Variants in TJP2 observed in about 807,000 individuals in gnomAD.
TJP2 encodes Friedreich ataxia region gene X104 (tight junction protein ZO-2).
A neutral mutation model predicts 133.1 loss-of-function variants in TJP2; 91 were observed. The observed-to-expected ratio is 0.68, with a 90% CI of 0.58 to 0.81. TJP2 has a LOEUF of 0.81. Among genes scored for constraint, TJP2 ranks in the 40% least tolerant of loss-of-function variants. The probability of loss-of-function intolerance (pLI) is 0.00; values close to 1 mark genes in which losing one functional copy is unlikely to be tolerated. For missense variants in TJP2, 1,541 were observed against 1,565.6 expected (o/e 0.98, Z 0.26); for synonymous variants, 592 against 583.4 (o/e 1.01, Z -0.21).
At position 69,246,710 on chromosome 9, in the gene TJP2, G is replaced by A. The variant is rs1398489722; in HGVS notation, c.2587G>A (p.Ala863Thr). The A allele has an allele frequency of 3.1e-6, 5 of 1,614,014 alleles. No individual in the cohort carries two copies. Among genetic ancestry groups the A allele is most frequent in the Middle Eastern group, 1.6e-4 (1 of 6,062 alleles). ...TATAGCTACAATCAACCTAAATTCA[G>A]CCAATGATAGCTGGTTTGGCAGCTT... ...LFTATINLNS[A>T]NDSWFGSLKD... The change falls in exon 18 of 23, where the codon GCC (alanine) becomes ACC (threonine). Residue 863 changes from alanine (A) to threonine (T), a missense_variant. By Grantham distance (58) the Ala-to-Thr change is moderately conservative (BLOSUM62 0). Transcript: ENST00000377245.
chr9:69,198,800 AG>A (rs1213069341), intron 1 of TJP2, among the ~76,000 whole-genome samples: 1 of 152,234 alleles, frequency 6.6e-6, no homozygotes, highest in Non-Finnish European at 1.5e-5. Flanking sequence ...AAACGATGAA[AG>A]GGTTTTGTTT....
chr9:69,189,270 G>A (rs1460621603), intron 1 of TJP2, among the ~76,000 whole-genome samples: 1 of 152,116 alleles, frequency 6.6e-6, no homozygotes, highest in African/African-American at 2.4e-5. Flanking sequence ...CCCAAGGGGT[G>A]GAAAGACCTA....
intron 1 of TJP2, among the ~76,000 whole-genome samples, chr9:69,122,503 C>A (rs748708273): frequency 2.0e-5 from 3 of 152,194 alleles, no homozygotes; most frequent in Admixed American, 2.0e-4. Flanking sequence ...CTTTCTGACC[C>A]ATTTGTAAGG....
intron 1 of TJP2, among the ~76,000 whole-genome samples, chr9:69,132,723 A>C (rs1822551379): frequency 6.6e-6 from 1 of 152,164 alleles, no homozygotes; most frequent in South Asian, 2.1e-4. Flanking sequence ...CATGAGACCC[A>C]CTTCTAGAGG....
At chr9:69,175,227 G>A (rs1040593749) in intron 1 of TJP2, among the ~76,000 whole-genome samples, 3 of 152,196 alleles carry the variant, frequency 2.0e-5, no homozygotes, top group Non-Finnish European at 4.4e-5. Flanking sequence ...TCTGGCAGCT[G>A]TCTGGCCTGA....
intron 5 of TJP2, among the ~76,000 whole-genome samples, chr9:69,224,697 A>T (rs1477998115): frequency 6.6e-6 from 1 of 152,150 alleles, no homozygotes; most frequent in African/African-American, 2.4e-5. Flanking sequence ...AGAAAAAGAA[A>T]ATGTTAATTT....
At chr9:69,187,624 TG>T (rs1243037733) in intron 1 of TJP2, among the ~76,000 whole-genome samples, 1 of 152,236 alleles carries the variant, frequency 6.6e-6, no homozygotes, top group Non-Finnish European at 1.5e-5. Context: ...CAGGCTTCAG[TG>T]CATGGGTTTA....
chr9:69,149,807 C>T (rs988121913), intron 1 of TJP2, among the ~76,000 whole-genome samples: 1 of 152,124 alleles, frequency 6.6e-6, no homozygotes, highest in Non-Finnish European at 1.5e-5. Context: ...AGGGGTAAAA[C>T]GAGAAAGTAT....
rs542910808 is a variant in TJP2 at position 69,240,312 on chromosome 9, A to G, written c.2566+165A>G. On this transcript the variant is annotated intron_variant, in intron 17 of 22. Coordinates refer to ENST00000377245, the MANE Select transcript of TJP2 (RefSeq NM_004817.4). ...ATGGGATATTAGGCCAATGGCATTT[A>G]TATATTGAACTTTGTAATTTTGTCT... Among the ~76,000 whole-genome samples, 4 of 152,356 alleles carry G rather than the reference A, an allele frequency of 2.6e-5. No individual in the cohort carries two copies. The South Asian group carries it at 6.2e-4, about 24-fold the overall frequency.
At chr9:69,207,887 C>T (rs1827561205) in intron 1 of TJP2, among the ~76,000 whole-genome samples, 3 of 152,168 alleles carry the variant, frequency 2.0e-5, no homozygotes. Flanking sequence ...ATGTGGGGTG[C>T]TCTGTGTTTC....
intron 1 of TJP2, among the ~76,000 whole-genome samples, chr9:69,131,348 GA>G (rs1185635400): frequency 6.6e-6 from 1 of 152,156 alleles, no homozygotes. Flanking sequence ...TCCACGTTGT[GA>G]AGGTCAGGAG....
intron 1 of TJP2, among the ~76,000 whole-genome samples, chr9:69,202,226 C>T (rs904383383): frequency 1.3e-5 from 2 of 152,176 alleles, no homozygotes; most frequent in African/African-American, 4.8e-5. Flanking sequence ...CCTTACATGA[C>T]AGAAGAGGTG....
Position 69,221,435 on chromosome 9 carries a change from C to A in TJP2, c.891C>A (p.Pro297=). The A allele has an allele frequency of 6.3e-7, 1 of 1,591,640 alleles. No homozygotes were observed. The highest frequency in any genetic ancestry group is 2.3e-5 in the East Asian group (1 of 43,872). The part of the protein sequence containing the change: ...REHPHSRSPS[P]EPRGRPGPIG... ...ACCCGCACTCACGGAGCCCCAGCCC[C>A]GAGCCTAGGGGGCGGCCGGGGCCCA... The change falls in exon 5 of 23, where the codon CCC becomes CCA. Residue 297 remains proline (P), a synonymous_variant. Transcript: ENST00000377245.
chr9:69,228,224 G>A, intron 9 of TJP2, 110 bp downstream of exon 9: 1 of 1,346,846 alleles, frequency 7.4e-7, no homozygotes, highest in Non-Finnish European at 1.0e-6. Flanking sequence ...GATGCAGCTG[G>A]AGGCCATTAT....
At chr9:69,205,282 T>C in intron 1 of TJP2, 1 of 1,537,142 alleles carries the variant, frequency 6.5e-7, no homozygotes, top group Non-Finnish European at 8.7e-7. Flanking sequence ...CCTTTCTTCA[T>C]GGGAAGGGGA....
intron 2 of TJP2, among the ~76,000 whole-genome samples, chr9:69,164,337 T>G (rs1019555802): frequency 2.6e-5 from 4 of 152,176 alleles, no homozygotes; most frequent in Non-Finnish European, 1.5e-5. Context: ...AATTCAGGAA[T>G]GCAGAGGGCC....
chr9:69,227,816 A>T lies in TJP2; in HGVS notation c.1262A>T (p.His421Leu), dbSNP rs1288863504. The change falls in exon 8 of 23, where the codon CAT becomes CTT. Residue 421 changes from histidine (H) to leucine (L), a missense_variant. Transcript: ENST00000377245. ...NRSFSPEERR[H>L]QYSDYDYHSS... The stretch of plus-strand genomic sequence containing the variant: ...TCATTTTCTCCAGAGGAGAGACGTC[A>T]TCAGTATTCTGATTATGATTATCAT... 3 of 1,614,110 alleles carry T rather than the reference A, an allele frequency of 1.9e-6. No individual in the cohort carries two copies. Among genetic ancestry groups the T allele is most frequent in the Middle Eastern group, 1.7e-4 (1 of 6,036 alleles).
chr9:69,132,438 G>T (rs1418039600), intron 1 of TJP2, among the ~76,000 whole-genome samples: 1 of 152,186 alleles, frequency 6.6e-6, no homozygotes, highest in Non-Finnish European at 1.5e-5. Flanking sequence ...CCTGAACTTG[G>T]AGAAGGGATC....
At chr9:69,136,533 G>GT (rs554972226) in intron 1 of TJP2, among the ~76,000 whole-genome samples, 2 of 151,384 alleles carry the variant, frequency 1.3e-5, no homozygotes. Context: ...ATGTAAAAAA[G>GT]TTTTTTTTTA....
Sources: allele counts gnomAD v4.1 joint callset (sites outside exome capture counted in the v4.1 genomes callset), GRCh38; gene constraint gnomAD v4.1.1; transcripts MANE v1.5; gene names NCBI Gene and HGNC (gene_info 2026-07-23, HGNC 2026-07-21).